RAD51C: variants seen among roughly 807,000 people sequenced by gnomAD.
RAD51C encodes the protein RAD51 paralog C, also known as DNA repair protein RAD51 homolog 3.
A neutral mutation model predicts 45.0 loss-of-function variants in RAD51C; 42 were observed. The ratio of observed to expected loss-of-function variants is 0.93; its 90% confidence interval spans 0.73 to 1.21. The LOEUF is 1.21. Among genes scored for constraint, RAD51C ranks in the 50% most tolerant of loss-of-function variants. RAD51C has a pLI of 0.00. For synonymous variants in RAD51C, 172 were observed against 159.8 expected, an observed-to-expected ratio of 1.08 and a Z score of -0.58; for missense variants, 474 against 452.2, an observed-to-expected ratio of 1.05 and a Z score of -0.44.
chr17:58,714,196 GC>G (rs2048653827), intron 5 of RAD51C, among the ~76,000 whole-genome samples: 1 of 151,990 alleles, frequency 6.6e-6, no homozygotes, highest in Admixed American at 6.6e-5. Flanking sequence ...TGTTGGCCAG[GC>G]TGGTCTCAAA....
Position 58,734,292 on chromosome 17 carries a change from T to TAC in RAD51C, c.*71_*72dup, listed in dbSNP as rs1217873688. On this transcript the variant is annotated 3_prime_UTR_variant, in exon 9 of 9. Transcript: ENST00000337432. ...AATCAATGTGTACAAGTGGACTTGT[T>TAC]ACCTTAAAGTATAAATAAACACACT... 19 of 1,559,884 alleles carry TAC rather than the reference T, an allele frequency of 1.2e-5. No homozygotes were observed. The highest frequency in any genetic ancestry group is 1.6e-5 in the Non-Finnish European group (18 of 1,149,856).
intron 5 of RAD51C, among the ~76,000 whole-genome samples, chr17:58,719,722 A>T (rs2048849658): frequency 6.9e-6 from 1 of 145,800 alleles, no homozygotes; most frequent in African/African-American, 2.5e-5. Flanking sequence ...TTATGGGTGG[A>T]TTTTTAATTT....
At chr17:58,706,542 TC>T (rs1487537275) in intron 4 of RAD51C, 2 of 463,804 alleles carry the variant, frequency 4.3e-6, no homozygotes, top group Non-Finnish European at 9.0e-6. Context: ...CCCTGCCCCT[TC>T]CTCTCTCTGC....
rs377262060 is a variant in RAD51C, at chr17:58,734,220, T to C, written c.1129T>C (p.Ter377GlnextTer12). 1.2e-6 allele frequency: 2 copies of C among 1,610,458 alleles called. No individual in the cohort carries two copies. Among genetic ancestry groups the C allele is most frequent in the South Asian group, 1.1e-5 (1 of 90,546 alleles). The change falls in exon 9 of 9, where the codon TAA (stop) becomes CAA (glutamine). Residue 377 changes from the stop codon to glutamine, a stop_lost. Transcript: ENST00000337432. ...KRSRDPEEEL* is the reference protein window; with the variant it reads ...KRSRDPEEELQ ...GTCACGAGACCCAGAGGAAGAATTA[T>C]AACCCAGAAACAAATCTCAAAGTGT...
chr17:58,692,581 G>C (rs2143667055), upstream of RAD51C: 1 of 1,594,148 alleles, frequency 6.3e-7, no homozygotes, highest in Non-Finnish European at 8.5e-7. Context: ...CTGACGTCAC[G>C]CCGCACGCCC....
At chr17:58,705,130 A>G (rs893127622) in intron 4 of RAD51C, among the ~76,000 whole-genome samples, 6 of 151,710 alleles carry the variant, frequency 4.0e-5, no homozygotes, top group Non-Finnish European at 5.9e-5. Flanking sequence ...CTCTGTCTCA[A>G]AATTAATAAA....
chr17:58,712,755 G>A (rs1240759263), intron 5 of RAD51C, among the ~76,000 whole-genome samples: 1 of 151,932 alleles, frequency 6.6e-6, no homozygotes, highest in African/African-American at 2.4e-5. Context: ...GGGAGGCGGA[G>A]CTTGCAGTGA....
At chr17:58,704,069 A>G (rs911890136) in intron 4 of RAD51C, among the ~76,000 whole-genome samples, 5 of 140,342 alleles carry the variant, frequency 3.6e-5, no homozygotes, top group Non-Finnish European at 6.1e-5. Context: ...TAATTTTGGT[A>G]AACATTATCA....
rs578099132 is a variant in RAD51C at position 58,699,459 on chromosome 17, A to G, written c.571+2600A>G. 1.3e-4 allele frequency among the ~76,000 whole-genome samples: 20 copies of G among 149,584 alleles called. No homozygotes were observed. In the East Asian group the frequency reaches 3.9e-3, roughly 29 times the overall value. On this transcript the variant is annotated intron_variant, in intron 3 of 8. Transcript: ENST00000337432. ...GTAGTCAGCTGGATTTTTTTTTTTC[A>G]TGGAGGTACTAAGTGTCCCATTTCG...
chr17:58,696,605 G>T (rs1349680994), intron 2 of RAD51C, 88 bp from the exon 3 acceptor site: 6 of 1,516,542 alleles, frequency 4.0e-6, no homozygotes, highest in Admixed American at 3.3e-5. Flanking sequence ...AAACTTTAGT[G>T]ATACCTAACT....
In RAD51C at chr17:58,692,797, T is replaced by C. The variant is rs2047821100; in HGVS notation, c.145+9T>C. 1 of 1,614,056 alleles carries C rather than the reference T, an allele frequency of 6.2e-7. No individual in the cohort carries two copies. The highest frequency in any genetic ancestry group is 8.5e-7 in the Non-Finnish European group (1 of 1,180,026). On this transcript the variant is annotated intron_variant, in intron 1 of 8. Transcript: ENST00000337432. ...CTCCGAGCTTAGCAAAGGTAACGAC[T>C]CCTGATGGCAAGCTGAGGCACACCG... is the stretch of plus-strand genomic sequence containing the variant.
At position 58,726,844 on chromosome 17, in the gene RAD51C, G is replaced by A. The variant is rs566281702; in HGVS notation, c.965+2744G>A. On this transcript the variant is annotated intron_variant, in intron 7 of 8. Transcript: ENST00000337432. ...TAAACTTTTTTATTTTTTTTGAGAC[G>A]GAGTCTCGCTCTGTCGCCCAGGCTG... Among the ~76,000 whole-genome samples, 8 of 140,012 alleles carry A rather than the reference G, an allele frequency of 5.7e-5. No individual in the cohort carries two copies. In the South Asian group the frequency reaches 6.4e-4, roughly 11 times the overall value. The allele number at this position is 140,012 out of a possible 152,430, so 91.9% of individuals were successfully genotyped here. A position where few individuals can be genotyped will look rare whatever the true frequency, so the allele number is the denominator to read the frequency against.
Position 58,692,617 on chromosome 17 carries a change from G to T in RAD51C, c.-27G>T. The T allele has an allele frequency of 6.2e-7, 1 of 1,613,276 alleles. No homozygotes were observed. The highest frequency in any genetic ancestry group is 8.5e-7 in the Non-Finnish European group (1 of 1,180,004). On this transcript the variant is annotated 5_prime_UTR_variant, in exon 1 of 9. Transcript: ENST00000337432. ...CAGCGAGGGCGTGCGGAGTTTGGCT[G>T]CTCCGGGGTTAGCAGGTGAGCCTGC...
In RAD51C at chr17:58,696,811, G is replaced by A. The variant is rs587780838; in HGVS notation, c.523G>A (p.Ala175Thr). The A allele has an allele frequency of 3.0e-5, 48 of 1,614,052 alleles. No homozygotes were observed. The Middle Eastern group carries it at 1.3e-3, about 44-fold the overall frequency. ...TGATAGAGTGGTAGACCTTGCTACTGCCTGCATTCAGCACCTTCAGCTTAT... is the reference window on the plus strand; with the variant it reads ...TGATAGAGTGGTAGACCTTGCTACTACCTGCATTCAGCACCTTCAGCTTAT... ...MVDRVVDLAT[A>T]CIQHLQLIAE... The change falls in exon 3 of 9, where the codon GCC (alanine) becomes ACC (threonine). Residue 175 changes from alanine (A) to threonine (T), a missense_variant. Physicochemically the swap from Ala to Thr is moderately conservative, Grantham distance 58. Transcript: ENST00000337432.
chr17:58,699,089 C>T (rs1248502071), intron 3 of RAD51C, among the ~76,000 whole-genome samples: 2 of 151,988 alleles, frequency 1.3e-5, no homozygotes, highest in Non-Finnish European at 2.9e-5. Context: ...TCACTGCAAC[C>T]TCTGCCTGCT....
chr17:58,705,346 G>T (rs574962822), intron 4 of RAD51C, among the ~76,000 whole-genome samples: 3 of 147,332 alleles, frequency 2.0e-5, no homozygotes, highest in Non-Finnish European at 4.5e-5. Context: ...CTTTTTTTTG[G>T]GGGGGGGGTG....
chr17:58,732,613 C>T, intron 8 of RAD51C, 69 bp downstream of exon 8: 1 of 1,471,482 alleles, frequency 6.8e-7, no homozygotes, highest in Non-Finnish European at 9.5e-7. Flanking sequence ...AGAGAATTTA[C>T]AACTTGCTTC....
At chr17:58,712,693 G>A (rs565110155) in intron 5 of RAD51C, among the ~76,000 whole-genome samples, 8 of 152,118 alleles carry the variant, frequency 5.3e-5, no homozygotes, top group African/African-American at 1.7e-4. Flanking sequence ...GATGGCGGGC[G>A]CCTGTAATTT....
chr17:58,721,083 C>T (rs2048903513), intron 6 of RAD51C, among the ~76,000 whole-genome samples: 1 of 152,164 alleles, frequency 6.6e-6, no homozygotes, highest in African/African-American at 2.4e-5. Flanking sequence ...GAGTTCAAGA[C>T]CAGCCTGGCC....
Sources: allele counts gnomAD v4.1 joint callset (sites outside exome capture counted in the v4.1 genomes callset), GRCh38; gene constraint gnomAD v4.1.1; transcripts MANE v1.5; gene names NCBI Gene and HGNC (gene_info 2026-07-23, HGNC 2026-07-21).